CNTN4: variants seen among roughly 807,000 people sequenced by gnomAD.
The protein encoded by CNTN4 is contactin 4, also known as contactin-4.
In CNTN4, 77 loss-of-function variants were observed where a neutral mutation model predicts 122.5. The ratio of observed to expected loss-of-function variants is 0.63; its 90% CI spans 0.52 to 0.76. The LOEUF is 0.76. Among genes scored for constraint, CNTN4 ranks in the 30% least tolerant of loss-of-function variants. CNTN4 has a pLI of 0.00. For synonymous variants in CNTN4, 512 were observed against 447.0 expected (o/e 1.15, Z -1.83); for missense variants, 1,256 against 1,259.1 (o/e 1.00, Z 0.04).
chr3:2,307,635 T>C (rs1398594508), intron 2 of CNTN4, among the ~76,000 whole-genome samples: 1 of 152,156 alleles, frequency 6.6e-6, no homozygotes, highest in Non-Finnish European at 1.5e-5. Flanking sequence ...TGGAAGAGTG[T>C]TGCATTTTTT....
intron 3 of CNTN4, among the ~76,000 whole-genome samples, chr3:2,431,059 G>C (rs2048050738): frequency 6.6e-6 from 1 of 152,236 alleles, no homozygotes; most frequent in Non-Finnish European, 1.5e-5. Context: ...TGTGGTCTAA[G>C]ACTCTATCAT....
chr3:2,147,630 C>G (rs1401659646), intron 2 of CNTN4, among the ~76,000 whole-genome samples: 1 of 152,154 alleles, frequency 6.6e-6, no homozygotes, highest in Non-Finnish European at 1.5e-5. Context: ...GTCAGTGCTT[C>G]AATCCCATTA....
chr3:2,251,177 A>C (rs1265484426), intron 2 of CNTN4, among the ~76,000 whole-genome samples: 1 of 151,948 alleles, frequency 6.6e-6, no homozygotes. Flanking sequence ...TACACCTTGA[A>C]TATGCCACAA....
chr3:2,970,718 T>C (rs1692819644), intron 13 of CNTN4, among the ~76,000 whole-genome samples: 1 of 152,198 alleles, frequency 6.6e-6, no homozygotes, highest in African/African-American at 2.4e-5. Context: ...AGTGCTGCGA[T>C]TGCAAGCATG....
At chr3:2,373,963 G>A (rs1303955250) in intron 3 of CNTN4, among the ~76,000 whole-genome samples, 1 of 152,078 alleles carries the variant, frequency 6.6e-6, no homozygotes, top group Non-Finnish European at 1.5e-5. Flanking sequence ...TTTTTGGGGG[G>A]TTCCTGATCT....
At position 2,604,829 on chromosome 3, in the gene CNTN4, G is replaced by C. The variant is rs555933238; in HGVS notation, c.55+33271G>C. On this transcript the variant is annotated intron_variant, in intron 4 of 24. Coordinates refer to ENST00000418658, the MANE Select transcript of CNTN4 (RefSeq NM_175607.3). Reference sequence around the variant, plus strand: ...TCCATAAGTTTTCTCCTGCCCCCTTGTTGTTGTTTTTATTTTGTTTTGATT... The same window carrying C: ...TCCATAAGTTTTCTCCTGCCCCCTTCTTGTTGTTTTTATTTTGTTTTGATT... Among the ~76,000 whole-genome samples the C allele has an allele frequency of 5.3e-5, 8 of 152,096 alleles. 1 individual carries two copies. The South Asian group carries it at 1.7e-3, about 32-fold the overall frequency.
chr3:2,340,489 C>T (rs1050067109), intron 3 of CNTN4, among the ~76,000 whole-genome samples: 10 of 150,550 alleles, frequency 6.6e-5, no homozygotes, highest in Non-Finnish European at 1.5e-5. Context: ...AATAATAATC[C>T]TGGACATCAG....
At chr3:2,229,045 G>T (rs533234648) in intron 2 of CNTN4, among the ~76,000 whole-genome samples, 33 of 152,230 alleles carry the variant, frequency 2.2e-4, no homozygotes, top group African/African-American at 7.0e-4. Context: ...GGACGCTAAT[G>T]CATTAGCCTT....
At chr3:2,780,724 A>G (rs932622700) in intron 6 of CNTN4, among the ~76,000 whole-genome samples, 3 of 152,342 alleles carry the variant, frequency 2.0e-5, no homozygotes, top group Non-Finnish European at 4.4e-5. Flanking sequence ...GTACATACGC[A>G]TGCCCTTAAA....
intron 4 of CNTN4, among the ~76,000 whole-genome samples, chr3:2,605,491 T>C (rs1406698744): frequency 6.6e-6 from 1 of 152,126 alleles, no homozygotes; most frequent in African/African-American, 2.4e-5. Context: ...GGTGTCTTGA[T>C]ATGATCTAAA....
chr3:2,575,219 T>TA (rs550258858), intron 4 of CNTN4, among the ~76,000 whole-genome samples: 15 of 151,644 alleles, frequency 9.9e-5, no homozygotes, highest in South Asian at 2.1e-4. Flanking sequence ...AAAAAGTAAT[T>TA]AAAAAAAATA....
chr3:2,728,098 A>C (rs2088370087), intron 4 of CNTN4, among the ~76,000 whole-genome samples: 1 of 152,184 alleles, frequency 6.6e-6, no homozygotes, highest in Non-Finnish European at 1.5e-5. Flanking sequence ...AAATACTAAC[A>C]ACACTAAATT....
intron 3 of CNTN4, among the ~76,000 whole-genome samples, chr3:2,518,779 G>T (rs1001370629): frequency 6.6e-6 from 1 of 152,122 alleles, no homozygotes; most frequent in Non-Finnish European, 1.5e-5. Context: ...TGATGATGAT[G>T]TGGAAGTATA....
chr3:2,766,673 A>C (rs928646967), intron 6 of CNTN4, among the ~76,000 whole-genome samples: 2 of 152,182 alleles, frequency 1.3e-5, no homozygotes, highest in African/African-American at 4.8e-5. Context: ...GGGTGCACCA[A>C]AATCTGACAG....
In CNTN4 at chr3:2,970,761, T is replaced by C. The variant is rs111520410; in HGVS notation, c.1359-17584T>C. On this transcript the variant is annotated intron_variant, in intron 13 of 24. Transcript: ENST00000418658. ...ATGCCCAGCCAATTAACACATATTT[T>C]GTATGTTATATGGATCATGTACTGT... Among the ~76,000 whole-genome samples, 1,461 of 152,026 alleles carry C rather than the reference T, an allele frequency of 9.6e-3. 25 individuals carry two copies. Among genetic ancestry groups the C allele is most frequent in the African/African-American group, 0.033 (1,357 of 41,460 alleles).
chr3:2,367,258 T>G (rs2045427715), intron 3 of CNTN4, among the ~76,000 whole-genome samples: 1 of 152,234 alleles, frequency 6.6e-6, no homozygotes, highest in South Asian at 2.1e-4. Flanking sequence ...TGAGAAAAGC[T>G]TATCAAATGA....
At chr3:2,794,798 T>G (rs1016093612) in intron 6 of CNTN4, among the ~76,000 whole-genome samples, 1 of 152,296 alleles carries the variant, frequency 6.6e-6, no homozygotes, top group Non-Finnish European at 1.5e-5. Flanking sequence ...ACAAGCAGAT[T>G]CAATTCCTGG....
At chr3:2,481,033 T>TTTTCTTTC (rs61026362) in intron 3 of CNTN4, among the ~76,000 whole-genome samples, 3,290 of 120,046 alleles carry the variant, frequency 0.027, 86 homozygotes, top group African/African-American at 0.063. Context: ...TTTCTTTTTC[T>TTTTCTTTC]TTTCTTTCTT....
In CNTN4 at chr3:2,520,216, T is replaced by C. The variant is rs573752741; in HGVS notation, c.-88-51200T>C. 5.4e-4 allele frequency among the ~76,000 whole-genome samples: 81 copies of C among 151,296 alleles called. 1 individual carries two copies. Among genetic ancestry groups the C allele is most frequent in the Non-Finnish European group, 7.4e-5 (5 of 67,910 alleles). ...ACTGGGGTGCTAAAGTTGCCAGTCA[T>C]GATTTACATTACCATAGAAAAAGAT... On this transcript the variant is annotated intron_variant, in intron 3 of 24. Transcript: ENST00000418658.
Sources: allele counts gnomAD v4.1 joint callset (sites outside exome capture counted in the v4.1 genomes callset), GRCh38; gene constraint gnomAD v4.1.1; transcripts MANE v1.5; gene names NCBI Gene and HGNC (gene_info 2026-07-23, HGNC 2026-07-21).